The following CALN1 variants were observed in gnomAD, a reference collection of about 807,000 sequenced individuals.
CALN1 encodes calcium-binding protein 8.
Under a neutral mutation model 30.6 loss-of-function variants are expected in CALN1, and 17 were observed. That is an observed-to-expected ratio of 0.56 (90% CI 0.38 to 0.83). The LOEUF (loss-of-function observed/expected upper bound fraction) is 0.83, where lower values mean the gene tolerates loss of function less well. Among genes scored for constraint, CALN1 ranks in the 40% least tolerant of loss-of-function variants. CALN1 has a pLI of 0.00. For missense variants in CALN1, 291 were observed against 354.9 expected, an observed-to-expected ratio of 0.82 and a Z score of 1.45; for synonymous variants, 156 against 131.4, an observed-to-expected ratio of 1.19 and a Z score of -1.28.
At chr7:72,353,417 T>C (rs1425266095) in intron 2 of CALN1, among the ~76,000 whole-genome samples, 2 of 152,184 alleles carry the variant, frequency 1.3e-5, no homozygotes, top group Non-Finnish European at 2.9e-5. Context: ...AAAATTAGTC[T>C]AAATCTTAAA....
the CALN1 span, among the ~76,000 whole-genome samples, chr7:72,457,275 C>T: frequency 2.0e-5 from 3 of 152,092 alleles, no homozygotes; most frequent in Non-Finnish European, 4.4e-5. Flanking sequence ...TTTTAACATG[C>T]AAAACATTTG....
chr7:72,273,919 T>C (rs12673485), intron 3 of CALN1, among the ~76,000 whole-genome samples: 18,477 of 151,636 alleles, frequency 0.12, 1,559 homozygotes, highest in East Asian at 0.42. Context: ...ATATAAATTA[T>C]ACAAAAAAAA....
chr7:72,386,660 G>C (rs1026247867), intron 2 of CALN1, among the ~76,000 whole-genome samples: 1 of 151,944 alleles, frequency 6.6e-6, no homozygotes, highest in African/African-American at 2.4e-5. Context: ...TTTAGAGATG[G>C]GTTATCACTC....
At chr7:72,240,097 T>C (rs550200426) in intron 3 of CALN1, among the ~76,000 whole-genome samples, 12 of 152,272 alleles carry the variant, frequency 7.9e-5, no homozygotes, top group Admixed American at 6.5e-4. Flanking sequence ...TTGAGACTAA[T>C]GTTTTGAAGA....
chr7:71,890,746 C>T (rs1208518667), intron 5 of CALN1, among the ~76,000 whole-genome samples: 1 of 123,224 alleles, frequency 8.1e-6, no homozygotes, highest in Non-Finnish European at 1.6e-5. Flanking sequence ...TGTTTTCTAG[C>T]TTTTTTTTTT....
At chr7:71,930,474 A>G (rs1040511409) in intron 5 of CALN1, among the ~76,000 whole-genome samples, 19 of 152,086 alleles carry the variant, frequency 1.2e-4, no homozygotes, top group Non-Finnish European at 2.2e-4. Flanking sequence ...GCCCTTTATA[A>G]AGCTATATGA....
intron 2 of CALN1, among the ~76,000 whole-genome samples, chr7:72,378,624 T>C (rs1215753165): frequency 1.3e-5 from 2 of 152,214 alleles, no homozygotes; most frequent in African/African-American, 4.8e-5. Context: ...GTCTTACACA[T>C]TACTTTCATA....
intron 3 of CALN1, among the ~76,000 whole-genome samples, chr7:72,186,965 A>G (rs373289464): frequency 5.5e-5 from 8 of 145,200 alleles, no homozygotes; most frequent in Non-Finnish European, 1.0e-4. Flanking sequence ...ACTGTTCTGT[A>G]AGATGATATT....
chr7:72,302,899 A>AAT (rs1211234314), intron 2 of CALN1, among the ~76,000 whole-genome samples: 2 of 148,808 alleles, frequency 1.3e-5, no homozygotes, highest in Admixed American at 1.3e-4. Flanking sequence ...GTCTCAAAAA[A>AAT]AAAAAAAAAA....
chr7:72,093,978 T>C (rs1425889630), intron 4 of CALN1, among the ~76,000 whole-genome samples: 1 of 152,124 alleles, frequency 6.6e-6, no homozygotes, highest in Non-Finnish European at 1.5e-5. Context: ...TCAGACAAGA[T>C]CAACTTGAAG....
At chr7:72,236,932 G>C (rs561743206) in intron 3 of CALN1, among the ~76,000 whole-genome samples, 1 of 152,054 alleles carries the variant, frequency 6.6e-6, no homozygotes, top group East Asian at 1.9e-4. Context: ...TGTTGAAGGA[G>C]CCTGCAGTGG....
intron 3 of CALN1, 83 bp from the exon 4 acceptor site, chr7:72,106,377 ACTC>A: frequency 6.5e-7 from 1 of 1,536,520 alleles, no homozygotes; most frequent in Admixed American, 1.7e-5. Context: ...CCTACTGAGA[ACTC>A]CTAACTGCTT....
chr7:72,359,085 G>A (rs1195092488), intron 2 of CALN1, among the ~76,000 whole-genome samples: 2 of 152,050 alleles, frequency 1.3e-5, no homozygotes, highest in East Asian at 1.9e-4. Flanking sequence ...CAAAGGCCAG[G>A]CCCTCCGCTG....
intron 5 of CALN1, among the ~76,000 whole-genome samples, chr7:71,983,816 G>A (rs748775432): frequency 1.3e-5 from 2 of 152,144 alleles, no homozygotes; most frequent in Non-Finnish European, 2.9e-5. Context: ...ACAGGCATGA[G>A]CCACCACACC....
At chr7:72,222,625 AG>A (rs1793390791) in intron 3 of CALN1, among the ~76,000 whole-genome samples, 1 of 152,164 alleles carries the variant, frequency 6.6e-6, no homozygotes, top group African/African-American at 2.4e-5. Flanking sequence ...AAACCATATC[AG>A]GTGCCTCATT....
At chr7:72,360,022 G>C (rs926263868) in intron 2 of CALN1, among the ~76,000 whole-genome samples, 2 of 145,752 alleles carry the variant, frequency 1.4e-5, no homozygotes, top group African/African-American at 5.1e-5. Context: ...GCAAAAATGT[G>C]AATGTCCCAA....
chr7:72,368,182 T>TA (rs1238287803), intron 2 of CALN1, among the ~76,000 whole-genome samples: 1 of 151,414 alleles, frequency 6.6e-6, no homozygotes, highest in Non-Finnish European at 1.5e-5. Context: ...TATATATGTG[T>TA]ATCTGTATAT....
intron 4 of CALN1, among the ~76,000 whole-genome samples, chr7:72,094,779 G>C (rs1806106609): frequency 1.3e-5 from 2 of 152,248 alleles, no homozygotes; most frequent in African/African-American, 4.8e-5. Flanking sequence ...CAAGTCTGAA[G>C]AATTCTCCCT....
the CALN1 span, among the ~76,000 whole-genome samples, chr7:72,500,189 G>A: frequency 6.8e-6 from 1 of 147,382 alleles, no homozygotes; most frequent in East Asian, 2.1e-4. Flanking sequence ...TGGGATTACA[G>A]ATGTGAGCCA....
Sources: gnomAD v4.1 joint callset for allele counts (sites outside exome capture counted in the v4.1 genomes callset) on GRCh38, gnomAD v4.1.1 for gene constraint, MANE v1.5 for transcripts, NCBI Gene and HGNC (gene_info 2026-07-23, HGNC 2026-07-21) for gene names.